The following ATG7 variants were observed in gnomAD, a reference collection of about 807,000 sequenced individuals.
ATG7 encodes the protein ubiquitin-like modifier-activating enzyme ATG7.
ATG7 carries 70 observed loss-of-function variants against 82.4 expected under a neutral mutation model. The observed-to-expected ratio is 0.85, with a 90% CI of 0.70 to 1.04. The LOEUF (loss-of-function observed/expected upper bound fraction) is 1.04, where lower values mean the gene tolerates loss of function less well. ATG7 is among the 50% of genes least tolerant of loss of function. The pLI, the probability that ATG7 is intolerant of heterozygous loss-of-function variation, is 0.00. For missense variants in ATG7, 792 were observed against 864.3 expected (o/e 0.92, Z 1.05); for synonymous variants, 287 against 313.0 (o/e 0.92, Z 0.88).
chr3:11,574,781 A>ATG, the ATG7 span, among the ~76,000 whole-genome samples: 30 of 121,008 alleles, frequency 2.5e-4, no homozygotes, highest in African/African-American at 9.6e-4. Context: ...CAATTCAACT[A>ATG]TATATGTGTG....
chr3:11,502,212 T>TA (rs1051788496), intron 20 of ATG7, among the ~76,000 whole-genome samples: 1 of 151,818 alleles, frequency 6.6e-6, no homozygotes, highest in Non-Finnish European at 1.5e-5. Context: ...TTTTTTTTTT[T>TA]AATTTTAATT....
intron 20 of ATG7, among the ~76,000 whole-genome samples, chr3:11,463,706 A>G (rs954107378): frequency 2.6e-5 from 4 of 152,228 alleles, no homozygotes; most frequent in Admixed American, 2.6e-4. Context: ...CTCTCCCTGC[A>G]GACTGGCGTC....
intron 3 of ATG7, among the ~76,000 whole-genome samples, chr3:11,295,493 G>A (rs748274174): frequency 1.3e-4 from 20 of 152,110 alleles, no homozygotes; most frequent in Non-Finnish European, 2.4e-4. Flanking sequence ...AACTTGCTAC[G>A]GACACAGTCA....
intron 20 of ATG7, among the ~76,000 whole-genome samples, chr3:11,525,097 C>T (rs763208036): frequency 1.3e-4 from 20 of 151,996 alleles, no homozygotes; most frequent in East Asian, 5.8e-4. Context: ...AGTGCAGTGG[C>T]GCGATCTCAG....
intron 20 of ATG7, among the ~76,000 whole-genome samples, chr3:11,433,676 T>A (rs2083113943): frequency 6.6e-6 from 1 of 152,200 alleles, no homozygotes; most frequent in South Asian, 2.1e-4. Context: ...ATTCCAGGAT[T>A]AATTTTAGGC....
intron 15 of ATG7, 111 bp from the exon 16 acceptor site, chr3:11,360,470 A>T: frequency 9.3e-7 from 1 of 1,075,824 alleles, no homozygotes; most frequent in African/African-American, 1.6e-5. Context: ...TAATCTAATT[A>T]CACTTACATG....
In ATG7 at chr3:11,344,278, A is replaced by G. The variant is rs375207201; in HGVS notation, c.1125+1999A>G. On this transcript the variant is annotated intron_variant, in intron 13 of 20. Coordinates refer to ENST00000693202, the MANE Select transcript of ATG7 (RefSeq NM_001349232.2). The stretch of plus-strand genomic sequence containing the variant: ...TAAGATTGGCTAGAACTCCACAGTA[A>G]TGTAGAAGAATGGCAGTGAGAGTTG... 9.9e-5 allele frequency among the ~76,000 whole-genome samples: 15 copies of G among 152,214 alleles called. No individual in the cohort carries two copies. The East Asian group carries it at 1.2e-3, about 12-fold the overall frequency.
chr3:11,378,706 A>AAAAAAAAAAAAAAAAC (rs1559501467), intron 18 of ATG7, among the ~76,000 whole-genome samples: 1 of 149,988 alleles, frequency 6.7e-6, no homozygotes, highest in African/African-American at 2.5e-5. Flanking sequence ...AAAAAAAAAA[A>AAAAAAAAAAAAAAAAC]AAATTGCTGT....
rs192745087 is a variant in ATG7 at position 11,552,148 on chromosome 3, T to C, written c.2080-2663T>C. ...TATCTTGCTCTTACTAAATACTTTT[T>C]CATTTGTATTCTAAGGATATCTTAG... On this transcript the variant is annotated intron_variant, in intron 20 of 20. Transcript: ENST00000693202. 1.4e-3 allele frequency among the ~76,000 whole-genome samples: 218 copies of C among 152,382 alleles called. 1 individual carries two copies. In the Middle Eastern group the frequency reaches 0.027, roughly 19 times the overall value.
At chr3:11,562,557 C>T (rs1232219009), downstream of ATG7, among the ~76,000 whole-genome samples, 1 of 152,226 alleles carries the variant, frequency 6.6e-6, no homozygotes, top group Non-Finnish European at 1.5e-5. Flanking sequence ...AGGAAGAGAC[C>T]TCGGAGCTGC....
At chr3:11,527,962 A>T (rs998460411) in intron 20 of ATG7, among the ~76,000 whole-genome samples, 1 of 152,152 alleles carries the variant, frequency 6.6e-6, no homozygotes, top group Non-Finnish European at 1.5e-5. Flanking sequence ...CTGATTTGTG[A>T]TGCATCCTGC....
At chr3:11,370,862 T>C (rs879571249) in intron 18 of ATG7, among the ~76,000 whole-genome samples, 12 of 151,278 alleles carry the variant, frequency 7.9e-5, no homozygotes, top group Admixed American at 5.3e-4. Flanking sequence ...TTTGTTTTTT[T>C]TTTAATTCCT....
rs2090544940 is a variant in ATG7 at position 11,493,256 on chromosome 3, A to T, written c.2080-61555A>T. ...TCTCTGCCCCTCTTCTCCAAAGTCAAGTTGCCCCTCTCTTTGCCATCCAGC... is the reference window on the plus strand; with the variant it reads ...TCTCTGCCCCTCTTCTCCAAAGTCATGTTGCCCCTCTCTTTGCCATCCAGC... On this transcript the variant is annotated intron_variant, in intron 20 of 20. Transcript: ENST00000693202. 2.0e-5 allele frequency among the ~76,000 whole-genome samples: 3 copies of T among 152,128 alleles called. No homozygotes were observed. The South Asian group carries it at 6.2e-4, about 32-fold the overall frequency.
intron 20 of ATG7, among the ~76,000 whole-genome samples, chr3:11,472,610 A>C (rs1429551122): frequency 6.6e-6 from 1 of 152,196 alleles, no homozygotes; most frequent in East Asian, 1.9e-4. Flanking sequence ...ACAGATGTCC[A>C]CTGTGGTTAT....
chr3:11,327,823 A>G (rs571244240), intron 9 of ATG7, among the ~76,000 whole-genome samples: 1 of 152,294 alleles, frequency 6.6e-6, no homozygotes, highest in African/African-American at 2.4e-5. Context: ...TGTATGAATC[A>G]CCTGGGTTCT....
intron 9 of ATG7, among the ~76,000 whole-genome samples, chr3:11,325,788 G>A (rs979019101): frequency 1.3e-5 from 2 of 152,166 alleles, no homozygotes; most frequent in Non-Finnish European, 2.9e-5. Flanking sequence ...AAGGGCCCAG[G>A]TTTATGAAGT....
intron 19 of ATG7, among the ~76,000 whole-genome samples, chr3:11,417,835 A>G (rs1440440521): frequency 7.9e-6 from 1 of 126,648 alleles, no homozygotes; most frequent in African/African-American, 2.8e-5. Context: ...TTTTTGAGAC[A>G]GAGTCTTGCT....
chr3:11,275,575 G>A (rs1941591085), intron 1 of ATG7, among the ~76,000 whole-genome samples: 1 of 146,310 alleles, frequency 6.8e-6, no homozygotes, highest in Non-Finnish European at 1.5e-5. Context: ...AGCCAGGATG[G>A]TCTCCATCTC....
intron 19 of ATG7, among the ~76,000 whole-genome samples, chr3:11,382,320 C>T (rs184115899): frequency 2.0e-5 from 3 of 152,298 alleles, no homozygotes; most frequent in Admixed American, 1.3e-4. Context: ...CGCACGCGAG[C>T]GAGAGCTTTT....
Sources: allele counts gnomAD v4.1 joint callset (sites outside exome capture counted in the v4.1 genomes callset), GRCh38; gene constraint gnomAD v4.1.1; transcripts MANE v1.5; gene names NCBI Gene and HGNC (gene_info 2026-07-23, HGNC 2026-07-21).